The following KIAA0825 variants were observed in gnomAD, a reference collection of about 807,000 sequenced individuals.
KIAA0825 encodes uncharacterized protein KIAA0825.
Under a neutral mutation model 147.6 loss-of-function variants are expected in KIAA0825, and 119 were observed. The observed-to-expected ratio is 0.81, with a 90% CI of 0.69 to 0.94. The LOEUF is 0.94. Ranked by LOEUF, KIAA0825 falls within the 40% of genes least tolerant of loss-of-function variation. KIAA0825 has a pLI of 0.00. For synonymous variants in KIAA0825, 470 were observed against 518.1 expected (o/e 0.91, Z 1.26); for missense variants, 1,381 against 1,472.7 (o/e 0.94, Z 1.02).
chr5:94,165,368 C>T (rs181238790), intron 20 of KIAA0825, among the ~76,000 whole-genome samples: 130 of 152,042 alleles, frequency 8.6e-4, no homozygotes, highest in African/African-American at 2.9e-3. Flanking sequence ...CAAATGCTGG[C>T]GAGGATATAG....
At position 94,464,875 on chromosome 5, in the gene KIAA0825, T is replaced by C. The variant is rs879181600; in HGVS notation, c.2057A>G (p.Gln686Arg). 2.6e-6 allele frequency: 4 copies of C among 1,550,478 alleles called. No individual in the cohort carries two copies. In the East Asian group the frequency reaches 7.3e-5, roughly 28 times the overall value. ...TTTTCAGAACTTCAATTACCTTAAC[T>C]GTGGAGTTCTTTTACGGCTGGGGTG... ...RAHPSRKRTP[Q>R]LRLDVTTILI... is the part of the protein sequence containing the mutation. The change falls in exon 11 of 21, where the codon CAG becomes CGG. Residue 686 changes from glutamine to arginine, a missense_variant. Transcript: ENST00000682413.
At chr5:94,537,224 C>A in intron 2 of KIAA0825, 97 bp from the exon 3 acceptor site, 4 of 813,682 alleles carry the variant, frequency 4.9e-6, no homozygotes, top group East Asian at 2.7e-5. Context: ...GATACTAAAC[C>A]AAAAATAGTA....
chr5:94,153,890 C>T lies in KIAA0825; in HGVS notation c.*117G>A. 1 of 644,566 alleles carries T rather than the reference C, an allele frequency of 1.6e-6. No homozygotes were observed. Among genetic ancestry groups the T allele is most frequent in the Non-Finnish European group, 2.8e-6 (1 of 361,190 alleles). The allele number at this position is 644,566 out of a possible 1,614,324, so 39.9% of individuals were successfully genotyped here. A position where few individuals can be genotyped will look rare whatever the true frequency, so the allele number is the denominator to read the frequency against. On this transcript the variant is annotated 3_prime_UTR_variant, in exon 21 of 21. Coordinates refer to ENST00000682413, the MANE Select transcript of KIAA0825 (RefSeq NM_001145678.3). ...ATTCCTTTTCAGTACAGAGATTACT[C>T]AGTCATTGGTTTCATGCTTCACAGC...
In KIAA0825 at chr5:94,410,108, A is replaced by G. The variant is rs1490368153; in HGVS notation, c.2663-6315T>C. ...TTAAATGAGAAGGTATACACAAAATATAAAAAGAAACTATACAGAATTGCC... is the reference window on the plus strand; with the variant it reads ...TTAAATGAGAAGGTATACACAAAATGTAAAAAGAAACTATACAGAATTGCC... On this transcript the variant is annotated intron_variant, in intron 15 of 20. Transcript: ENST00000682413. Among the ~76,000 whole-genome samples, 4 of 151,968 alleles carry G rather than the reference A, an allele frequency of 2.6e-5. No individual in the cohort carries two copies. In the East Asian group the frequency reaches 7.7e-4, roughly 29 times the overall value.
intron 5 of KIAA0825, among the ~76,000 whole-genome samples, chr5:94,513,987 C>G (rs897004163): frequency 1.3e-5 from 2 of 152,110 alleles, no homozygotes; most frequent in Non-Finnish European, 2.9e-5. Context: ...AGCCAAAATG[C>G]TTTCATTTTT....
chr5:94,525,037 T>C (rs553059523), intron 3 of KIAA0825, among the ~76,000 whole-genome samples: 1 of 151,974 alleles, frequency 6.6e-6, no homozygotes, highest in African/African-American at 2.4e-5. Context: ...ATATGACATA[T>C]TACTACCACC....
intron 20 of KIAA0825, among the ~76,000 whole-genome samples, chr5:94,311,078 A>G (rs1779128095): frequency 6.6e-6 from 1 of 151,642 alleles, no homozygotes; most frequent in East Asian, 1.9e-4. Context: ...CCAGTGTGCA[A>G]TAGGTTTATG....
intron 18 of KIAA0825, among the ~76,000 whole-genome samples, chr5:94,390,668 T>A (rs1749774429): frequency 6.6e-6 from 1 of 152,210 alleles, no homozygotes. Context: ...TTGAAGTAAC[T>A]TTCACATAGC....
chr5:94,409,987 A>T (rs1752542297), intron 15 of KIAA0825, among the ~76,000 whole-genome samples: 1 of 152,214 alleles, frequency 6.6e-6, no homozygotes, highest in African/African-American at 2.4e-5. Context: ...ATCCATAATC[A>T]AAAGAAAACT....
chr5:94,339,770 T>G (rs989095589), intron 20 of KIAA0825, among the ~76,000 whole-genome samples: 1 of 152,228 alleles, frequency 6.6e-6, no homozygotes, highest in Non-Finnish European at 1.5e-5. Flanking sequence ...TTAGGACATG[T>G]ATTGAATCTC....
chr5:94,299,862 G>T (rs1778307848), intron 20 of KIAA0825, among the ~76,000 whole-genome samples: 1 of 151,960 alleles, frequency 6.6e-6, no homozygotes. Flanking sequence ...CTAAATATTT[G>T]TATCTATTCC....
chr5:94,231,945 A>G (rs1328026238), intron 20 of KIAA0825, among the ~76,000 whole-genome samples: 2 of 152,140 alleles, frequency 1.3e-5, no homozygotes, highest in Non-Finnish European at 2.9e-5. Flanking sequence ...CTGGAAGCCT[A>G]TCGTATCTGT....
chr5:94,500,178 C>T (rs1027389356), intron 5 of KIAA0825, among the ~76,000 whole-genome samples: 7 of 152,104 alleles, frequency 4.6e-5, no homozygotes, highest in African/African-American at 1.7e-4. Context: ...TTTCCAAAAC[C>T]TAGCCTCTGA....
intron 20 of KIAA0825, among the ~76,000 whole-genome samples, chr5:94,245,516 T>C (rs757760711): frequency 1.3e-5 from 2 of 152,212 alleles, no homozygotes; most frequent in African/African-American, 2.4e-5. Context: ...CTCTCCTCTT[T>C]ACCCCTTTCT....
chr5:94,459,140 A>G (rs1226017212), intron 12 of KIAA0825, among the ~76,000 whole-genome samples: 1 of 152,142 alleles, frequency 6.6e-6, no homozygotes, highest in Non-Finnish European at 1.5e-5. Flanking sequence ...CTGTGGCAGC[A>G]CATATCAGCA....
At chr5:94,556,717 T>C (rs1776607620) in intron 2 of KIAA0825, among the ~76,000 whole-genome samples, 1 of 152,194 alleles carries the variant, frequency 6.6e-6, no homozygotes, top group African/African-American at 2.4e-5. Flanking sequence ...TTCAGCAGAC[T>C]ATAAACATGT....
At position 94,593,327 on chromosome 5, in the gene KIAA0825, T is replaced by G. The variant is rs566275484; in HGVS notation, c.-152-10744A>C. ...ATTGTCCATAGGAACTTGGAAACCA[T>G]CCAGAACTTAAGTTCCTTGTCTGTC... On this transcript the variant is annotated intron_variant, in intron 1 of 20. Transcript: ENST00000682413. The G allele has an allele frequency of 3.6e-5, 31 of 851,280 alleles. No individual in the cohort carries two copies. The South Asian group carries it at 3.8e-4, about 10-fold the overall frequency. 52.7% of individuals were successfully genotyped at this position (851,280 alleles called of 1,614,324 possible).
intron 20 of KIAA0825, among the ~76,000 whole-genome samples, chr5:94,199,619 G>A (rs1315481085): frequency 6.6e-6 from 1 of 152,188 alleles, no homozygotes; most frequent in Non-Finnish European, 1.5e-5. Flanking sequence ...ACAATAGTGG[G>A]GTGGCTGTGG....
chr5:94,215,702 A>G (rs191003925), intron 20 of KIAA0825, among the ~76,000 whole-genome samples: 13 of 152,128 alleles, frequency 8.5e-5, no homozygotes, highest in Admixed American at 4.6e-4. Flanking sequence ...AAACTGGTGA[A>G]TGGTTCTTCT....
Sources: gnomAD v4.1 joint callset for allele counts (sites outside exome capture counted in the v4.1 genomes callset) on GRCh38, gnomAD v4.1.1 for gene constraint, MANE v1.5 for transcripts, NCBI Gene and HGNC (gene_info 2026-07-23, HGNC 2026-07-21) for gene names.